The following KIAA1217 variants were observed in gnomAD, a reference collection of about 807,000 sequenced individuals.
KIAA1217 encodes sickle tail protein homolog.
Under a neutral mutation model 163.9 loss-of-function variants are expected in KIAA1217, and 88 were observed. That is an observed-to-expected ratio of 0.54 (90% CI 0.45 to 0.64). The LOEUF (loss-of-function observed/expected upper bound fraction) is 0.64, where lower values mean the gene tolerates loss of function less well. Ranked by LOEUF, KIAA1217 falls within the 30% of genes least tolerant of loss-of-function variation. The probability of loss-of-function intolerance (pLI) is 0.00; values close to 1 mark genes in which losing one functional copy is unlikely to be tolerated. For synonymous variants in KIAA1217, 903 were observed against 923.1 expected (o/e 0.98, Z 0.39); for missense variants, 2,372 against 2,475.0 (o/e 0.96, Z 0.88).
At chr10:24,316,939 A>T (rs2043457351) in intron 2 of KIAA1217, among the ~76,000 whole-genome samples, 1 of 152,176 alleles carries the variant, frequency 6.6e-6, no homozygotes, top group African/African-American at 2.4e-5. Flanking sequence ...AGAGACGCTC[A>T]GTGTGTGGTC....
At chr10:24,427,201 C>T (rs906201354) in intron 3 of KIAA1217, among the ~76,000 whole-genome samples, 1 of 151,960 alleles carries the variant, frequency 6.6e-6, no homozygotes, top group Admixed American at 6.6e-5. Context: ...CGGCACCTCC[C>T]CCTCCCACCC....
At chr10:24,125,320 C>CTGTGTGTG (rs1491130955) in intron 2 of KIAA1217, among the ~76,000 whole-genome samples, 11 of 92,254 alleles carry the variant, frequency 1.2e-4, no homozygotes, top group South Asian at 4.6e-4. Context: ...GAATCCTATG[C>CTGTGTGTG]TCTGTGTGTG....
chr10:24,220,013 C>T (rs1008301601), intron 2 of KIAA1217, 104 bp downstream of exon 2: 3 of 1,181,182 alleles, frequency 2.5e-6, no homozygotes, highest in Non-Finnish European at 3.5e-6. Flanking sequence ...GCTTAGTGGA[C>T]TGTGCATACT....
intron 2 of KIAA1217, among the ~76,000 whole-genome samples, chr10:24,303,001 G>C (rs2041559280): frequency 6.6e-6 from 1 of 152,040 alleles, no homozygotes; most frequent in African/African-American, 2.4e-5. Flanking sequence ...CTCTGAGTAA[G>C]AGGGAAAATC....
chr10:24,515,740 C>G (rs79053862), intron 10 of KIAA1217, among the ~76,000 whole-genome samples: 4,964 of 152,262 alleles, frequency 0.033, 85 homozygotes, highest in South Asian at 0.069. Flanking sequence ...GTATGACCCA[C>G]AGGCCACAAA....
intron 2 of KIAA1217, among the ~76,000 whole-genome samples, chr10:24,077,655 T>C (rs2061410732): frequency 6.6e-6 from 1 of 152,254 alleles, no homozygotes; most frequent in Non-Finnish European, 1.5e-5. Flanking sequence ...CGTGTGTGTA[T>C]CTTTGTGATA....
intron 2 of KIAA1217, among the ~76,000 whole-genome samples, chr10:24,078,565 A>T (rs572766032): frequency 6.6e-6 from 1 of 152,278 alleles, no homozygotes; most frequent in East Asian, 1.9e-4. Flanking sequence ...TAATCTTGGC[A>T]TTCTCTCCAA....
At chr10:24,125,054 A>T (rs1409974339) in intron 2 of KIAA1217, among the ~76,000 whole-genome samples, 1 of 152,118 alleles carries the variant, frequency 6.6e-6, no homozygotes, top group African/African-American at 2.4e-5. Flanking sequence ...CAGGCGGATC[A>T]CGAGGTCAGG....
At chr10:24,291,774 A>C (rs940375066) in intron 2 of KIAA1217, among the ~76,000 whole-genome samples, 2 of 152,190 alleles carry the variant, frequency 1.3e-5, no homozygotes, top group African/African-American at 4.8e-5. Context: ...GAGAAAAAAA[A>C]AATCTAAGGA....
At chr10:24,513,171 C>A (rs1294529868) in intron 9 of KIAA1217, 88 bp from the exon 10 acceptor site, 8 of 1,273,772 alleles carry the variant, frequency 6.3e-6, no homozygotes, top group African/African-American at 4.5e-5. Flanking sequence ...GGCTGTCTAC[C>A]CAAAGTGCTC....
At chr10:24,246,372 T>C (rs1564335411) in intron 2 of KIAA1217, among the ~76,000 whole-genome samples, 2 of 152,200 alleles carry the variant, frequency 1.3e-5, no homozygotes, top group Non-Finnish European at 2.9e-5. Context: ...CTTGTATCTG[T>C]GCATGTGGGA....
chr10:24,289,080 C>A (rs1013075867), intron 2 of KIAA1217, among the ~76,000 whole-genome samples: 1 of 152,120 alleles, frequency 6.6e-6, no homozygotes, highest in Non-Finnish European at 1.5e-5. Context: ...TCTTAACCTG[C>A]CTCATCCTAT....
At chr10:23,708,058 T>G (rs1837003114) in intron 1 of KIAA1217, among the ~76,000 whole-genome samples, 1 of 152,164 alleles carries the variant, frequency 6.6e-6, no homozygotes, top group South Asian at 2.1e-4. Context: ...GACTTACAGT[T>G]CAATGTGGCT....
intron 8 of KIAA1217, among the ~76,000 whole-genome samples, chr10:24,498,115 G>A (rs73604496): frequency 0.055 from 8,379 of 152,208 alleles, 728 homozygotes; most frequent in African/African-American, 0.19. Flanking sequence ...ATCTGAAGAT[G>A]ATTGTGTGCT....
At chr10:23,819,212 A>G (rs545095966) in intron 1 of KIAA1217, among the ~76,000 whole-genome samples, 2 of 152,290 alleles carry the variant, frequency 1.3e-5, no homozygotes, top group East Asian at 3.9e-4. Flanking sequence ...GGCCACCATG[A>G]TAAAAGACTG....
intron 1 of KIAA1217, among the ~76,000 whole-genome samples, chr10:23,841,317 G>A (rs1838769344): frequency 6.6e-6 from 1 of 152,206 alleles, no homozygotes; most frequent in Non-Finnish European, 1.5e-5. Flanking sequence ...AAGACCCTGA[G>A]ATAGGAATGA....
intron 2 of KIAA1217, among the ~76,000 whole-genome samples, chr10:24,248,715 C>T (rs2074138127): frequency 6.9e-6 from 1 of 144,444 alleles, no homozygotes; most frequent in Non-Finnish European, 1.5e-5. Context: ...CATACCTAAA[C>T]CTTACCTCTT....
intron 16 of KIAA1217, among the ~76,000 whole-genome samples, chr10:24,534,723 C>G (rs370016689): frequency 5.5e-4 from 83 of 151,490 alleles, no homozygotes; most frequent in South Asian, 2.9e-3. Context: ...CTACTAAAAA[C>G]TACAAAAATT....
intron 6 of KIAA1217, among the ~76,000 whole-genome samples, chr10:24,492,261 G>A (rs534139840): frequency 1.3e-5 from 2 of 152,308 alleles, no homozygotes; most frequent in East Asian, 3.9e-4. Flanking sequence ...TGACATTGCT[G>A]ATGGATGTTC....
Sources: gnomAD v4.1 joint callset for allele counts (sites outside exome capture counted in the v4.1 genomes callset) on GRCh38, gnomAD v4.1.1 for gene constraint, MANE v1.5 for transcripts, NCBI Gene and HGNC (gene_info 2026-07-23, HGNC 2026-07-21) for gene names.